Variants in MPHOSPH8 observed in about 807,000 individuals in gnomAD.
MPHOSPH8 encodes M-phase phosphoprotein 8, also known as M-phase phosphoprotein, mpp.
A neutral mutation model predicts 87.3 loss-of-function variants in MPHOSPH8; 45 were observed. The ratio of observed to expected loss-of-function variants is 0.52; its 90% confidence interval spans 0.41 to 0.66. The LOEUF is 0.66. MPHOSPH8 is among the 30% of genes least tolerant of loss of function. The probability of loss-of-function intolerance (pLI) is 0.00; values close to 1 mark genes in which losing one functional copy is unlikely to be tolerated. For missense variants in MPHOSPH8, 883 were observed against 1,020.2 expected (o/e 0.87, Z 1.83); for synonymous variants, 366 against 376.9 (o/e 0.97, Z 0.33).
At chr13:19,670,500 G>T (rs1292387359) in intron 12 of MPHOSPH8, 137 bp downstream of exon 12, 1 of 1,049,028 alleles carries the variant, frequency 9.5e-7, no homozygotes, top group African/African-American at 1.6e-5. Flanking sequence ...TGGGAATGAG[G>T]CAATACCCAT....
At chr13:19,641,331 T>G (rs1874276173) in intron 1 of MPHOSPH8, among the ~76,000 whole-genome samples, 2 of 150,818 alleles carry the variant, frequency 1.3e-5, no homozygotes, top group Admixed American at 1.3e-4. Context: ...ATTTTTTTTT[T>G]TTTTTTTTTG....
Position 19,671,900 on chromosome 13 carries a change from T to C in MPHOSPH8, c.*25T>C, listed in dbSNP as rs1422127154. 6.2e-7 allele frequency: 1 copy of C among 1,610,672 alleles called. No homozygotes were observed. Among genetic ancestry groups the C allele is most frequent in the Non-Finnish European group, 8.5e-7 (1 of 1,177,034 alleles). On this transcript the variant is annotated 3_prime_UTR_variant, in exon 14 of 14. Transcript: ENST00000361479. The stretch of plus-strand genomic sequence containing the variant: ...ACCAAACAGAAGGGACTGGGCGGAG[T>C]TCTCTTCAGACCGATTCCTATACTC...
intron 9 of MPHOSPH8, among the ~76,000 whole-genome samples, chr13:19,663,566 T>C (rs1875664326): frequency 6.6e-6 from 1 of 152,202 alleles, no homozygotes; most frequent in African/African-American, 2.4e-5. Context: ...CGTCATTTTA[T>C]GTTGGTGAAT....
intron 5 of MPHOSPH8, among the ~76,000 whole-genome samples, chr13:19,656,298 A>AC (rs1875169685): frequency 1.3e-5 from 2 of 151,180 alleles, no homozygotes; most frequent in South Asian, 4.2e-4. Context: ...AAAAAAAAAA[A>AC]AACTGTCGTC....
intron 8 of MPHOSPH8, 116 bp from the exon 9 acceptor site, chr13:19,662,924 C>T (rs1425067950): frequency 2.3e-6 from 2 of 874,316 alleles, no homozygotes; most frequent in African/African-American, 1.7e-5. Context: ...CAGCCCGCAA[C>T]CACTTGTGAT....
At chr13:19,650,298 G>A in intron 5 of MPHOSPH8, 38 bp downstream of exon 5, 1 of 1,592,756 alleles carries the variant, frequency 6.3e-7, no homozygotes, top group Non-Finnish European at 8.6e-7. Flanking sequence ...TTTCAAGGTA[G>A]TGCACCATAT....
chr13:19,671,770 T>C (rs375998737), intron 13 of MPHOSPH8, 64 bp from the exon 14 acceptor site: 8 of 1,528,858 alleles, frequency 5.2e-6, no homozygotes, highest in Non-Finnish European at 7.2e-6. Context: ...ATTTGTGGGT[T>C]TTTTCTTGTA....
At position 19,633,812 on chromosome 13, in the gene MPHOSPH8, G is replaced by A; in HGVS notation, c.64G>A (p.Glu22Lys). ...CCCTGTGTCAGCTGCCGACAGCACT[G>A]AGGAGTTGGCCGAAGTCGAAGAAGG... ...AVPVSAADST[E>K]ELAEVEEGVG... The change falls in exon 1 of 14, where the codon GAG becomes AAG. Residue 22 changes from glutamate to lysine, a missense_variant. Coordinates refer to ENST00000361479, the MANE Select transcript of MPHOSPH8 (RefSeq NM_017520.4). 1 of 1,610,126 alleles carries A rather than the reference G, an allele frequency of 6.2e-7. No individual in the cohort carries two copies. Among genetic ancestry groups the A allele is most frequent in the Non-Finnish European group, 8.5e-7 (1 of 1,178,550 alleles).
intron 3 of MPHOSPH8, among the ~76,000 whole-genome samples, chr13:19,648,107 A>G (rs919439176): frequency 5.3e-5 from 8 of 152,116 alleles, no homozygotes; most frequent in African/African-American, 7.2e-5. Context: ...GAGAAGTACA[A>G]TAGTCATGGT....
chr13:19,636,735 C>G (rs1300269079), intron 1 of MPHOSPH8, among the ~76,000 whole-genome samples: 1 of 152,106 alleles, frequency 6.6e-6, no homozygotes, highest in Non-Finnish European at 1.5e-5. Flanking sequence ...CTTGGCCTCC[C>G]AAAGTGCTGG....
rs1876210003 is a variant in MPHOSPH8, at chr13:19,672,795, G to T, written c.*920G>T. The T allele has an allele frequency of 4.0e-6, 1 of 253,128 alleles. No individual in the cohort carries two copies. The highest frequency in any genetic ancestry group is 7.9e-6 in the Non-Finnish European group (1 of 126,396). 15.7% of individuals were successfully genotyped at this position (253,128 alleles called of 1,614,324 possible). A position where few individuals can be genotyped will look rare whatever the true frequency, so the allele number is the denominator to read the frequency against. ...AACCAGTACACTATGAGACCTAAAA[G>T]AGAGTATTAAATGTGAACTTTTAGC... On this transcript the variant is annotated 3_prime_UTR_variant, in exon 14 of 14. Transcript: ENST00000361479.
chr13:19,664,026 C>T (rs948068584), intron 9 of MPHOSPH8, among the ~76,000 whole-genome samples: 3 of 152,138 alleles, frequency 2.0e-5, no homozygotes, highest in African/African-American at 4.8e-5. Context: ...TTCTGTCGCC[C>T]GGGCTGGAGT....
In MPHOSPH8 at chr13:19,673,186, G is replaced by T. The variant is rs778037327; in HGVS notation, c.*1311G>T. 2 of 447,846 alleles carry T rather than the reference G, an allele frequency of 4.5e-6. No individual in the cohort carries two copies. The highest frequency in any genetic ancestry group is 8.9e-6 in the Non-Finnish European group (2 of 224,930). 27.7% of individuals were successfully genotyped at this position (447,846 alleles called of 1,614,324 possible). A position where few individuals can be genotyped will look rare whatever the true frequency, so the allele number is the denominator to read the frequency against. ...GCTTAGGTAACAGCCAAACCTGGCT[G>T]TCAGCTGTGTGGGAGCCACCACCCT... On this transcript the variant is annotated 3_prime_UTR_variant, in exon 14 of 14. Coordinates refer to ENST00000361479, the MANE Select transcript of MPHOSPH8 (RefSeq NM_017520.4).
At chr13:19,645,449 T>C (rs900677148) in intron 2 of MPHOSPH8, among the ~76,000 whole-genome samples, 3 of 152,304 alleles carry the variant, frequency 2.0e-5, no homozygotes, top group Admixed American at 6.5e-5. Flanking sequence ...GTGGTGTCCA[T>C]TTCTTAGGCA....
intron 10 of MPHOSPH8, among the ~76,000 whole-genome samples, chr13:19,667,241 T>C (rs182311637): frequency 3.0e-4 from 45 of 152,304 alleles, no homozygotes; most frequent in Admixed American, 2.0e-4. Flanking sequence ...TGCAACACTT[T>C]TAAGCACAGC....
intron 5 of MPHOSPH8, among the ~76,000 whole-genome samples, chr13:19,650,579 T>A (rs1874790594): frequency 6.6e-6 from 1 of 152,198 alleles, no homozygotes; most frequent in African/African-American, 2.4e-5. Context: ...TTCAGGAAAT[T>A]ATCAAATATA....
At chr13:19,653,732 A>G (rs980040909) in intron 5 of MPHOSPH8, among the ~76,000 whole-genome samples, 2 of 152,240 alleles carry the variant, frequency 1.3e-5, no homozygotes, top group Non-Finnish European at 2.9e-5. Flanking sequence ...GATGGAGCTG[A>G]AAACACAGCA....
intron 9 of MPHOSPH8, among the ~76,000 whole-genome samples, chr13:19,666,019 G>A (rs566845768): frequency 6.6e-6 from 1 of 152,292 alleles, no homozygotes; most frequent in African/African-American, 2.4e-5. Context: ...CCAGGCTTAC[G>A]TATCTCTGCG....
At chr13:19,642,525 G>A (rs1243017299) in intron 2 of MPHOSPH8, among the ~76,000 whole-genome samples, 1 of 152,106 alleles carries the variant, frequency 6.6e-6, no homozygotes, top group African/African-American at 2.4e-5. Context: ...TTTAAGTTAA[G>A]AGTAAGGTCA....
Sources: gnomAD v4.1 joint callset for allele counts (sites outside exome capture counted in the v4.1 genomes callset) on GRCh38, gnomAD v4.1.1 for gene constraint, MANE v1.5 for transcripts, NCBI Gene and HGNC (gene_info 2026-07-23, HGNC 2026-07-21) for gene names.